Variants in ZNF790 observed in about 807,000 individuals in gnomAD.
The protein encoded by ZNF790 is zinc finger protein 790.
In ZNF790, 8 loss-of-function variants were observed where a neutral mutation model predicts 12.1. The observed-to-expected ratio is 0.66, with a 90% CI of 0.39 to 1.19. ZNF790 has a LOEUF of 1.19. Ranked by LOEUF, ZNF790 falls within the 50% of genes most tolerant of loss-of-function variation. The probability of loss-of-function intolerance (pLI) is 0.01; values close to 1 mark genes in which losing one functional copy is unlikely to be tolerated. For missense variants in ZNF790, 707 were observed against 752.2 expected (o/e 0.94, Z 0.70); for synonymous variants, 252 against 244.3 (o/e 1.03, Z -0.29).
intron 1 of ZNF790, among the ~76,000 whole-genome samples, chr19:36,826,188 T>C (rs2071792815): frequency 1.3e-5 from 2 of 152,254 alleles, no homozygotes; most frequent in South Asian, 2.1e-4. Flanking sequence ...TGTGTTTTCA[T>C]TGACAGTGAG....
At chr19:36,833,208 T>G in intron 1 of ZNF790, among the ~76,000 whole-genome samples, 1 of 152,220 alleles carries the variant, frequency 6.6e-6, no homozygotes, top group East Asian at 1.9e-4. Context: ...AGTGGCACAA[T>G]CTCGGCTCAC....
chr19:36,833,433 G>A (rs927157221), intron 1 of ZNF790, among the ~76,000 whole-genome samples: 3 of 152,074 alleles, frequency 2.0e-5, no homozygotes, highest in Admixed American at 1.3e-4. Context: ...ATGAGCCACC[G>A]CACCTGGCCT....
intron 3 of ZNF790, 113 bp downstream of exon 3, chr19:36,823,554 G>T: frequency 7.0e-7 from 1 of 1,418,902 alleles, no homozygotes. Context: ...TTTACAAAGC[G>T]CAAACCATTT....
At chr19:36,842,036 A>G (rs2072134446), upstream of ZNF790, among the ~76,000 whole-genome samples, 2 of 152,158 alleles carry the variant, frequency 1.3e-5, no homozygotes, top group African/African-American at 4.8e-5. Context: ...TTAGGAACAC[A>G]TAAAAGAAAG....
At chr19:36,822,872 A>G (rs949577533) in intron 4 of ZNF790, among the ~76,000 whole-genome samples, 6 of 151,202 alleles carry the variant, frequency 4.0e-5, no homozygotes, top group African/African-American at 1.2e-4. Context: ...TTCCCCTGAG[A>G]CAGAGTCTCA....
At chr19:36,850,326 G>T (rs1310738649), upstream of ZNF790, 1 of 152,330 alleles carries the variant, frequency 6.6e-6, no homozygotes, top group East Asian at 1.9e-4. Context: ...CCGAGGAGGG[G>T]CGGAAGCCCG....
intron 1 of ZNF790, among the ~76,000 whole-genome samples, chr19:36,830,233 T>TA (rs966119952): frequency 5.9e-5 from 9 of 152,054 alleles, no homozygotes; most frequent in South Asian, 2.1e-4. Flanking sequence ...GTGTATGTTT[T>TA]AAAAAAAATC....
In ZNF790 at chr19:36,818,741, C is replaced by T. The variant is rs199662090; in HGVS notation, c.1603G>A (p.Val535Ile). 1.2e-4 allele frequency: 186 copies of T among 1,612,322 alleles called. No individual in the cohort carries two copies. The East Asian group carries it at 1.4e-3, about 12-fold the overall frequency. The change falls in exon 5 of 5, where the codon GTA (valine) becomes ATA (isoleucine). Residue 535 changes from valine to isoleucine, a missense_variant. Physicochemically the swap from Val to Ile is conservative, Grantham distance 29. Coordinates refer to ENST00000356725, the MANE Select transcript of ZNF790 (RefSeq NM_206894.4). Reference sequence around the variant, plus strand: ...AAAGATTTCCCACATTCTTTACATACGTAAGGTTCCTCACCAGTATGCATT... The same window carrying T: ...AAAGATTTCCCACATTCTTTACATATGTAAGGTTCCTCACCAGTATGCATT... ...QRMHTGEEPY[V>I]CKECGKSFIW...
intron 1 of ZNF790, among the ~76,000 whole-genome samples, chr19:36,846,251 C>T (rs1163472917): frequency 6.6e-6 from 1 of 152,132 alleles, no homozygotes; most frequent in African/African-American, 2.4e-5. Flanking sequence ...TAGAATAGCA[C>T]CTGGCACAGA....
chr19:36,825,558 C>T (rs2071778644), intron 2 of ZNF790, 53 bp downstream of exon 2: 2 of 1,572,356 alleles, frequency 1.3e-6, no homozygotes, highest in Admixed American at 1.7e-5. Flanking sequence ...AAAATATTCA[C>T]ATGATTTGAT....
intron 1 of ZNF790, among the ~76,000 whole-genome samples, chr19:36,847,669 G>C (rs1455596187): frequency 6.6e-6 from 1 of 150,656 alleles, no homozygotes; most frequent in Non-Finnish European, 1.5e-5. Context: ...AGAATCACTT[G>C]AACTGGGGAG....
intron 2 of ZNF790, 69 bp downstream of exon 2, chr19:36,825,542 G>C: frequency 6.8e-7 from 1 of 1,469,290 alleles, no homozygotes; most frequent in South Asian, 1.1e-5. Context: ...TTAAGGATAA[G>C]CAATAAAAAT....
upstream of ZNF790, among the ~76,000 whole-genome samples, chr19:36,840,958 C>G (rs1307915077): frequency 6.6e-6 from 1 of 151,744 alleles, no homozygotes; most frequent in African/African-American, 2.4e-5. Flanking sequence ...CTAGCCTGGG[C>G]AACAAAGCAA....
intron 1 of ZNF790, among the ~76,000 whole-genome samples, chr19:36,827,141 C>CACACACATATATATATAT (rs1313807327): frequency 1.2e-5 from 1 of 84,432 alleles, no homozygotes; most frequent in African/African-American, 5.5e-5. Context: ...CACACACACA[C>CACACACATATATATATAT]ATATATATAT....
At chr19:36,848,727 A>T (rs2072205417) in intron 1 of ZNF790, among the ~76,000 whole-genome samples, 1 of 152,170 alleles carries the variant, frequency 6.6e-6, no homozygotes, top group African/African-American at 2.4e-5. Context: ...AGAAGGAAGA[A>T]GTTCCCCCAT....
intron 1 of ZNF790, among the ~76,000 whole-genome samples, chr19:36,844,001 C>G (rs988770280): frequency 2.2e-5 from 3 of 134,920 alleles, no homozygotes; most frequent in Non-Finnish European, 4.7e-5. Context: ...GAGCGAAACT[C>G]CATCTCAAAA....
rs200663414 is a variant in ZNF790, at chr19:36,824,893, TGA to T, written c.9+716_9+717del. On this transcript the variant is annotated intron_variant, in intron 2 of 4. Transcript: ENST00000356725. Reference sequence around the variant, plus strand: ...AGTTGAATTATCTGTTAGTTTAAACTGAGAGAATTCTCAAGAGATACACTCCC... The same window carrying T: ...AGTTGAATTATCTGTTAGTTTAAACTGAGAATTCTCAAGAGATACACTCCC... Among the ~76,000 whole-genome samples the T allele has an allele frequency of 9.8e-3, 1,497 of 152,336 alleles. 14 individuals are homozygous for T. The highest frequency in any genetic ancestry group is 0.037 in the Middle Eastern group (11 of 294).
chr19:36,817,451 T>C lies in ZNF790; in HGVS notation c.*982A>G, dbSNP rs2071575642. ...GCTTTCTTCATTGTATTTTACTGAT[T>C]TTTTTTCAGAATTAACATTCTGATG... On this transcript the variant is annotated 3_prime_UTR_variant, in exon 5 of 5. Coordinates refer to ENST00000356725, the MANE Select transcript of ZNF790 (RefSeq NM_206894.4). 6.6e-6 allele frequency: 1 copy of C among 152,126 alleles called. No homozygotes were observed. The highest frequency in any genetic ancestry group is 2.1e-4 in the South Asian group (1 of 4,828). The allele number at this position is 152,126 out of a possible 1,614,324, so 9.4% of individuals were successfully genotyped here.
chr19:36,843,956 G>A (rs916291704), intron 1 of ZNF790, among the ~76,000 whole-genome samples: 6 of 146,722 alleles, frequency 4.1e-5, no homozygotes, highest in Admixed American at 7.0e-5. Context: ...GCAGTGAGCC[G>A]AGATTGCACC....
Sources: gnomAD v4.1 joint callset for allele counts (sites outside exome capture counted in the v4.1 genomes callset) on GRCh38, gnomAD v4.1.1 for gene constraint, MANE v1.5 for transcripts, NCBI Gene and HGNC (gene_info 2026-07-23, HGNC 2026-07-21) for gene names.